The following TBL1X variants were observed in gnomAD, a reference collection of about 807,000 sequenced individuals.
The protein encoded by TBL1X is transducin beta like 1 X-linked.
In TBL1X, 10 loss-of-function variants were observed where a neutral mutation model predicts 50.7. The observed-to-expected ratio is 0.20, with a 90% CI of 0.12 to 0.33. The LOEUF (loss-of-function observed/expected upper bound fraction) is 0.33, where lower values mean the gene tolerates loss of function less well. TBL1X is among the 10% of genes least tolerant of loss of function. TBL1X has a pLI of 1.00. For missense variants in TBL1X, 340 were observed against 504.4 expected (o/e 0.67, Z 3.12); for synonymous variants, 190 against 214.7 (o/e 0.88, Z 1.01).
chrX:9,691,150 G>A (rs1277030545), intron 7 of TBL1X, among the ~76,000 whole-genome samples: 1 of 112,033 alleles, frequency 8.9e-6, no homozygotes, highest in African/African-American at 3.2e-5. Context: ...AATCATCAGA[G>A]GTAGGCCGGG....
At chrX:9,625,084 A>T (rs1489781539) in intron 2 of TBL1X, among the ~76,000 whole-genome samples, 2 of 112,384 alleles carry the variant, frequency 1.8e-5, no homozygotes, top group African/African-American at 3.2e-5. Flanking sequence ...AGTTCCTTTT[A>T]AAAAAATGGC....
rs57080019 is a variant in TBL1X at position 9,674,680 on chromosome X, G to GCCCCCCCCC, written c.212-9347_212-9339dup. 1.0e-3 allele frequency among the ~76,000 whole-genome samples: 4 copies of GCCCCCCCCC among 4,007 alleles called. 1 individual carries two copies. Among genetic ancestry groups the GCCCCCCCCC allele is most frequent in the African/African-American group, 1.4e-3 (2 of 1,392 alleles). 3.5% of individuals were successfully genotyped at this position (4,007 alleles called of 115,157 possible). ...GGGCACAAATGATCCTCCCGCCTCA[G>GCCCCCCCCC]CCCCCCCCCCCCCCCCCCCCCCCCA... On this transcript the variant is annotated intron_variant, in intron 5 of 17. Transcript: ENST00000645353.
At chrX:9,537,302 C>T (rs955365835) in intron 2 of TBL1X, among the ~76,000 whole-genome samples, 6 of 109,539 alleles carry the variant, frequency 5.5e-5, no homozygotes, top group Admixed American at 9.8e-5. Flanking sequence ...TGCCCCCCGC[C>T]CCCCAATTTT....
At chrX:9,692,299 G>T (rs753336586) in intron 9 of TBL1X, 45 bp downstream of exon 9, 2 of 1,144,009 alleles carry the variant, frequency 1.7e-6, no homozygotes, top group African/African-American at 3.7e-5. Context: ...TGGTAAAATC[G>T]GCCAGCCACC....
At chrX:9,495,898 C>A (rs1364246458) in intron 1 of TBL1X, among the ~76,000 whole-genome samples, 1 of 111,561 alleles carries the variant, frequency 9.0e-6, no homozygotes, top group African/African-American at 3.3e-5. Flanking sequence ...GGAACATGTG[C>A]ATTTGGTGAC....
intron 2 of TBL1X, among the ~76,000 whole-genome samples, chrX:9,603,330 T>C (rs957006991): frequency 8.9e-6 from 1 of 112,290 alleles, no homozygotes; most frequent in Non-Finnish European, 1.9e-5. Flanking sequence ...AATTAGCTAG[T>C]GATGTCACAC....
intron 2 of TBL1X, among the ~76,000 whole-genome samples, chrX:9,589,735 G>A (rs1346220491): frequency 9.0e-6 from 1 of 111,646 alleles, no homozygotes; most frequent in Non-Finnish European, 1.9e-5. Flanking sequence ...TATACACTGA[G>A]AGACGTATGT....
chrX:9,469,206 A>G (rs1372607822), intron 1 of TBL1X, among the ~76,000 whole-genome samples: 1 of 111,078 alleles, frequency 9.0e-6, no homozygotes, highest in Non-Finnish European at 1.9e-5. Context: ...AGTCTCTCTC[A>G]CAGCCCAGGC....
intron 1 of TBL1X, among the ~76,000 whole-genome samples, chrX:9,490,210 G>A (rs1332131930): frequency 9.0e-6 from 1 of 111,162 alleles, no homozygotes; most frequent in East Asian, 2.8e-4. Context: ...GGCTCAAGCA[G>A]TCCTCCCACC....
intron 2 of TBL1X, among the ~76,000 whole-genome samples, chrX:9,578,830 A>G (rs1307681881): frequency 8.9e-6 from 1 of 112,404 alleles, no homozygotes; most frequent in Admixed American, 9.4e-5. Flanking sequence ...CCTCTACTCA[A>G]TGAAAATCAC....
chrX:9,555,007 T>C (rs954015859), intron 2 of TBL1X, among the ~76,000 whole-genome samples: 3 of 112,338 alleles, frequency 2.7e-5, no homozygotes, highest in Non-Finnish European at 3.8e-5. Context: ...GTCTTTTATG[T>C]CTGGCCTCGT....
chrX:9,654,229 TTCA>T lies in TBL1X; in HGVS notation c.122_124del (p.Ile41del), dbSNP rs1364866276. On this transcript the variant is annotated inframe_deletion, in exon 5 of 18. Coordinates refer to ENST00000645353, the MANE Select transcript of TBL1X (RefSeq NM_005647.4). ...TTTTTGAACAGAGGGTGGTTCCCAC[TTCA>T]TCAACACCTCATCGCCGCGAGGTGA... The T allele has an allele frequency of 8.3e-7, 1 of 1,208,412 alleles. No homozygotes were observed. Among genetic ancestry groups the T allele is most frequent in the Non-Finnish European group, 1.1e-6 (1 of 894,878 alleles).
At chrX:9,644,574 A>G (rs1422618856) in intron 3 of TBL1X, 1 of 111,826 alleles carries the variant, frequency 8.9e-6, no homozygotes, top group African/African-American at 3.3e-5. Flanking sequence ...AGCCCCAGCC[A>G]GCCACTAATT....
chrX:9,615,451 T>G (rs1170552382), intron 2 of TBL1X, among the ~76,000 whole-genome samples: 3 of 111,969 alleles, frequency 2.7e-5, no homozygotes, highest in Non-Finnish European at 3.8e-5. Flanking sequence ...CTCATTCTGG[T>G]GAAAAGTTGT....
chrX:9,624,018 CTATCATGCCTTTT>C (rs984726602), intron 2 of TBL1X, among the ~76,000 whole-genome samples: 2 of 112,180 alleles, frequency 1.8e-5, no homozygotes, highest in Admixed American at 1.9e-4. Flanking sequence ...GTGTGGCTTC[CTATCATGCCTTTT>C]AAGGAACTAT....
chrX:9,573,771 C>T (rs1324574479), intron 2 of TBL1X, among the ~76,000 whole-genome samples: 3 of 112,863 alleles, frequency 2.7e-5, no homozygotes, highest in Non-Finnish European at 3.8e-5. Context: ...GGGTGAGAGT[C>T]CAGTGGGATG....
chrX:9,660,095 A>G (rs1408271071), intron 5 of TBL1X, among the ~76,000 whole-genome samples: 1 of 113,084 alleles, frequency 8.8e-6, no homozygotes, highest in Non-Finnish European at 1.9e-5. Context: ...TGGGCAAGGC[A>G]AAGGCCAGGC....
At chrX:9,657,712 C>G (rs1321920609) in intron 5 of TBL1X, among the ~76,000 whole-genome samples, 1 of 112,493 alleles carries the variant, frequency 8.9e-6, no homozygotes, top group Non-Finnish European at 1.9e-5. Flanking sequence ...AAGGGCTTTG[C>G]CCATCAGAAG....
chrX:9,594,712 G>T (rs1331312428), intron 2 of TBL1X, among the ~76,000 whole-genome samples: 1 of 112,290 alleles, frequency 8.9e-6, no homozygotes, highest in Non-Finnish European at 1.9e-5. Flanking sequence ...TCTGGAGCCA[G>T]ATATTTTAGG....
Sources: gnomAD v4.1 joint callset for allele counts (sites outside exome capture counted in the v4.1 genomes callset) on GRCh38, gnomAD v4.1.1 for gene constraint, MANE v1.5 for transcripts, NCBI Gene and HGNC (gene_info 2026-07-23, HGNC 2026-07-21) for gene names.